Variants in CRACD observed in about 807,000 individuals in gnomAD.
CRACD encodes capping protein-inhibiting regulator of actin dynamics.
Under a neutral mutation model 106.8 loss-of-function variants are expected in CRACD, and 56 were observed. That is an observed-to-expected ratio of 0.52 (90% CI 0.42 to 0.66). The LOEUF (loss-of-function observed/expected upper bound fraction) is 0.66. CRACD is among the 30% of genes least tolerant of loss of function. The pLI, the probability that CRACD is intolerant of heterozygous loss-of-function variation, is 0.00. For missense variants in CRACD, 1,730 were observed against 1,623.2 expected (o/e 1.07, Z -1.13); for synonymous variants, 754 against 670.8 (o/e 1.12, Z -1.92).
intron 1 of CRACD, among the ~76,000 whole-genome samples, chr4:56,146,126 GTCAT>G (rs1323156104): frequency 6.6e-6 from 1 of 152,052 alleles, no homozygotes; most frequent in African/African-American, 2.4e-5. Context: ...TGAACAAGCT[GTCAT>G]TTCAGTTTTG....
At chr4:56,296,200 G>C (rs1319611134) in intron 3 of CRACD, among the ~76,000 whole-genome samples, 1 of 152,062 alleles carries the variant, frequency 6.6e-6, no homozygotes. Context: ...CAGCAGATCT[G>C]AGTTCAGTTT....
At chr4:56,255,814 C>G (rs1050096128) in intron 2 of CRACD, among the ~76,000 whole-genome samples, 43 of 152,194 alleles carry the variant, frequency 2.8e-4, no homozygotes, top group African/African-American at 9.2e-4. Flanking sequence ...ATTTTGGAGG[C>G]AACGTATTTC....
chr4:56,291,046 G>C (rs1743674363), intron 3 of CRACD, among the ~76,000 whole-genome samples: 1 of 152,136 alleles, frequency 6.6e-6, no homozygotes, highest in South Asian at 2.1e-4. Flanking sequence ...CCAGTTGAAG[G>C]TTTAAAATCT....
At chr4:56,322,226 A>G (rs1032273860) in intron 8 of CRACD, among the ~76,000 whole-genome samples, 1 of 152,204 alleles carries the variant, frequency 6.6e-6, no homozygotes, top group Non-Finnish European at 1.5e-5. Context: ...AACTGTTGTA[A>G]ATGTTCTGGT....
At chr4:56,301,290 T>C (rs929831057) in intron 4 of CRACD, 11 of 1,242,482 alleles carry the variant, frequency 8.9e-6, no homozygotes, top group Non-Finnish European at 1.2e-5. Flanking sequence ...CTTGCATGAA[T>C]GCTTTGCATT....
chr4:56,240,995 T>C (rs1740337201), intron 2 of CRACD, among the ~76,000 whole-genome samples: 1 of 152,128 alleles, frequency 6.6e-6, no homozygotes, highest in African/African-American at 2.4e-5. Context: ...TGCATTACAG[T>C]GGCTGCAGTG....
chr4:56,240,044 T>G (rs1330129287), intron 2 of CRACD, among the ~76,000 whole-genome samples: 2 of 3,522 alleles, frequency 5.7e-4, no homozygotes, highest in South Asian at 5.8e-3. Flanking sequence ...CAATTATTCT[T>G]TTTTTTATTC....
chr4:56,147,625 A>G (rs181569895), intron 1 of CRACD, among the ~76,000 whole-genome samples: 18 of 152,298 alleles, frequency 1.2e-4, no homozygotes, highest in Admixed American at 3.9e-4. Flanking sequence ...TTTGGTGGAC[A>G]TATGTTTTCA....
intron 2 of CRACD, among the ~76,000 whole-genome samples, chr4:56,182,862 TATGTG>T (rs1265323192): frequency 1.3e-4 from 11 of 83,264 alleles, no homozygotes. Context: ...AAAAAAAAGA[TATGTG>T]TGTGTGTGTG....
chr4:56,322,445 C>T (rs920260403), intron 8 of CRACD, among the ~76,000 whole-genome samples: 1 of 152,234 alleles, frequency 6.6e-6, no homozygotes, highest in African/African-American at 2.4e-5. Flanking sequence ...ATAGGTGAGA[C>T]AGTCAACCAC....
chr4:56,121,269 G>T (rs1159762646), intron 1 of CRACD, among the ~76,000 whole-genome samples: 1 of 152,054 alleles, frequency 6.6e-6, no homozygotes, highest in Non-Finnish European at 1.5e-5. Context: ...CACTTCTCAA[G>T]CAAAAATACT....
intron 3 of CRACD, among the ~76,000 whole-genome samples, chr4:56,279,682 G>T (rs370059479): frequency 4.5e-4 from 68 of 152,206 alleles, no homozygotes; most frequent in African/African-American, 1.3e-3. Flanking sequence ...AGGAACACTT[G>T]TACACTGTTG....
intron 1 of CRACD, among the ~76,000 whole-genome samples, chr4:56,166,243 T>C (rs1332686817): frequency 1.3e-5 from 2 of 152,196 alleles, no homozygotes; most frequent in African/African-American, 4.8e-5. Context: ...TTTTCACTTA[T>C]ATGATTTTAT....
chr4:56,256,282 T>C (rs1226569807), intron 2 of CRACD, among the ~76,000 whole-genome samples: 1 of 151,572 alleles, frequency 6.6e-6, no homozygotes, highest in Non-Finnish European at 1.5e-5. Flanking sequence ...TAAAAGGGAG[T>C]TTCCCTGCAC....
intron 2 of CRACD, among the ~76,000 whole-genome samples, chr4:56,247,666 CAAAA>C (rs922961586): frequency 6.6e-6 from 1 of 152,016 alleles, no homozygotes; most frequent in African/African-American, 2.4e-5. Flanking sequence ...GCCAGCAGGG[CAAAA>C]CCCCGTCTCT....
intron 3 of CRACD, among the ~76,000 whole-genome samples, chr4:56,280,060 G>A (rs1281783072): frequency 4.8e-5 from 7 of 146,514 alleles, no homozygotes; most frequent in East Asian, 2.1e-4. Flanking sequence ...ACCAAACACC[G>A]CATGTTCTCA....
chr4:56,312,719 C>A (rs1410858956), intron 6 of CRACD, among the ~76,000 whole-genome samples: 1 of 152,034 alleles, frequency 6.6e-6, no homozygotes, highest in Non-Finnish European at 1.5e-5. Context: ...TGATCTAGGC[C>A]AGGGGTCAGC....
chr4:56,284,292 TAAAA>T (rs59270238), intron 3 of CRACD, among the ~76,000 whole-genome samples: 12 of 45,474 alleles, frequency 2.6e-4, no homozygotes, highest in East Asian at 2.4e-3. Flanking sequence ...CATCCTAAAG[TAAAA>T]AAAAAAAAAA....
intron 1 of CRACD, among the ~76,000 whole-genome samples, chr4:56,113,712 A>G (rs1577969731): frequency 6.6e-6 from 1 of 152,138 alleles, no homozygotes; most frequent in Non-Finnish European, 1.5e-5. Flanking sequence ...TTCTCCCACC[A>G]GACTGTCAAA....
Sources: gnomAD v4.1 joint callset for allele counts (sites outside exome capture counted in the v4.1 genomes callset) on GRCh38, gnomAD v4.1.1 for gene constraint, MANE v1.5 for transcripts, NCBI Gene and HGNC (gene_info 2026-07-23, HGNC 2026-07-21) for gene names.